Variants in SLC9A9 observed in about 807,000 individuals in gnomAD.
SLC9A9 encodes the protein solute carrier family 9 member A9.
Under a neutral mutation model 77.8 loss-of-function variants are expected in SLC9A9, and 62 were observed. That is an observed-to-expected ratio of 0.80 (90% CI 0.65 to 0.98). The LOEUF is 0.98. Ranked by LOEUF, SLC9A9 falls within the 50% of genes least tolerant of loss-of-function variation. The probability of loss-of-function intolerance (pLI) is 0.00; values close to 1 mark genes in which losing one functional copy is unlikely to be tolerated. For missense variants in SLC9A9, 775 were observed against 774.9 expected, an observed-to-expected ratio of 1.00 and a Z score of 0.00; for synonymous variants, 320 against 283.5, an observed-to-expected ratio of 1.13 and a Z score of -1.29.
intron 5 of SLC9A9, among the ~76,000 whole-genome samples, chr3:143,692,661 T>C (rs556553007): frequency 2.0e-5 from 3 of 152,160 alleles, no homozygotes; most frequent in Non-Finnish European, 4.4e-5. Flanking sequence ...AGAGAAGATA[T>C]ATTCACTGGA....
At chr3:143,754,434 T>C (rs1464487671) in intron 4 of SLC9A9, among the ~76,000 whole-genome samples, 1 of 152,218 alleles carries the variant, frequency 6.6e-6, no homozygotes, top group East Asian at 1.9e-4. Flanking sequence ...CCAAACACGA[T>C]TATTTTGCCA....
intron 12 of SLC9A9, among the ~76,000 whole-genome samples, chr3:143,390,359 T>C (rs1022584707): frequency 2.0e-5 from 3 of 152,242 alleles, no homozygotes; most frequent in Non-Finnish European, 4.4e-5. Context: ...TATCACTTAC[T>C]TGTGTGACTA....
intron 12 of SLC9A9, among the ~76,000 whole-genome samples, chr3:143,440,215 A>C (rs2108543830): frequency 6.6e-6 from 1 of 152,314 alleles, no homozygotes; most frequent in Admixed American, 6.5e-5. Flanking sequence ...GGGATTTTAC[A>C]AGTGCTGAAA....
In SLC9A9 at chr3:143,688,690, C is replaced by A. The variant is rs532091379; in HGVS notation, c.649+4502G>T. Among the ~76,000 whole-genome samples the A allele has an allele frequency of 2.0e-5, 3 of 152,110 alleles. No homozygotes were observed. The South Asian group carries it at 6.2e-4, about 32-fold the overall frequency. ...ACCCTGGGGATAGAGCAGTCTATCC[C>A]TGTATACCACTCTGGGGCTCTGATC... On this transcript the variant is annotated intron_variant, in intron 5 of 15. Coordinates refer to ENST00000316549, the MANE Select transcript of SLC9A9 (RefSeq NM_173653.4).
intron 9 of SLC9A9, among the ~76,000 whole-genome samples, chr3:143,543,464 G>T (rs1233241822): frequency 6.6e-6 from 1 of 151,932 alleles, no homozygotes; most frequent in African/African-American, 2.4e-5. Flanking sequence ...TGATGCTGAA[G>T]TTAGGGGTAC....
intron 6 of SLC9A9, among the ~76,000 whole-genome samples, chr3:143,579,994 G>A (rs1182308540): frequency 6.6e-6 from 1 of 152,180 alleles, no homozygotes; most frequent in Non-Finnish European, 1.5e-5. Flanking sequence ...TCCTGTAATT[G>A]GATAAGGAAG....
chr3:143,448,573 G>T (rs1407987420), intron 12 of SLC9A9, among the ~76,000 whole-genome samples: 1 of 151,956 alleles, frequency 6.6e-6, no homozygotes, highest in Non-Finnish European at 1.5e-5. Context: ...AAGGAAAGAA[G>T]AGATTACATT....
chr3:143,355,032 T>C (rs1474873214), intron 14 of SLC9A9, among the ~76,000 whole-genome samples: 2 of 152,214 alleles, frequency 1.3e-5, no homozygotes, highest in African/African-American at 2.4e-5. Flanking sequence ...ACTGAGATGA[T>C]GGACTATAAG....
chr3:143,705,747 G>A (rs1276862933), intron 4 of SLC9A9, among the ~76,000 whole-genome samples: 2 of 152,194 alleles, frequency 1.3e-5, no homozygotes, highest in African/African-American at 4.8e-5. Flanking sequence ...ACCAGCTGGG[G>A]AACATTGAAG....
At chr3:143,583,557 C>T (rs2037491711) in intron 6 of SLC9A9, among the ~76,000 whole-genome samples, 1 of 152,208 alleles carries the variant, frequency 6.6e-6, no homozygotes, top group Non-Finnish European at 1.5e-5. Flanking sequence ...TCTCAGCTTA[C>T]TGCCACTTAC....
At chr3:143,535,146 TAAAGAA>T (rs1200282659) in intron 9 of SLC9A9, among the ~76,000 whole-genome samples, 1 of 152,182 alleles carries the variant, frequency 6.6e-6, no homozygotes, top group Non-Finnish European at 1.5e-5. Context: ...AATCCTTGAC[TAAAGAA>T]AACATTCAGG....
chr3:143,731,058 A>T (rs1379585245), intron 4 of SLC9A9, among the ~76,000 whole-genome samples: 1 of 152,182 alleles, frequency 6.6e-6, no homozygotes, highest in Admixed American at 6.5e-5. Flanking sequence ...CAGAGACTAA[A>T]GGGCTATCTC....
At chr3:143,312,796 G>A (rs1017488624) in intron 14 of SLC9A9, among the ~76,000 whole-genome samples, 6 of 152,148 alleles carry the variant, frequency 3.9e-5, no homozygotes, top group African/African-American at 1.4e-4. Context: ...TCATCCCCAG[G>A]TTTTGTCTCT....
chr3:143,780,202 T>C (rs1168268026), intron 4 of SLC9A9, among the ~76,000 whole-genome samples: 1 of 152,128 alleles, frequency 6.6e-6, no homozygotes, highest in Non-Finnish European at 1.5e-5. Flanking sequence ...AAGAGCCCAG[T>C]GAAGGGATGC....
chr3:143,270,585 G>A (rs1559846641), intron 14 of SLC9A9, among the ~76,000 whole-genome samples: 1 of 151,880 alleles, frequency 6.6e-6, no homozygotes, highest in Non-Finnish European at 1.5e-5. Context: ...TACAACTGGA[G>A]TACAAATTAA....
At chr3:143,327,305 A>G (rs1033338993) in intron 14 of SLC9A9, among the ~76,000 whole-genome samples, 3 of 152,240 alleles carry the variant, frequency 2.0e-5, no homozygotes, top group African/African-American at 7.2e-5. Flanking sequence ...GAGGTGGAAC[A>G]GAGTTGGGGT....
rs77912380 is a variant in SLC9A9, at chr3:143,633,472, A to C, written c.755+18783T>G. The stretch of plus-strand genomic sequence containing the variant: ...TGTCTTAGAGGTTTTTTCAGGCCAT[A>C]AATTTTTTTAAAGCTCCAAAGTGTG... On this transcript the variant is annotated intron_variant, in intron 6 of 15. Transcript: ENST00000316549. 7.8e-3 allele frequency among the ~76,000 whole-genome samples: 1,189 copies of C among 152,280 alleles called. 18 individuals are homozygous for C. The highest frequency in any genetic ancestry group is 0.026 in the African/African-American group (1,082 of 41,572).
rs2033607195 is a variant in SLC9A9 at position 143,392,914 on chromosome 3, C to T, written c.1470-10800G>A. ...ACAAGAGCTAACTATCCTAAATATG[C>T]ACCCAATACAGGAACACCCAGATTC... On this transcript the variant is annotated intron_variant, in intron 12 of 15. Transcript: ENST00000316549. Among the ~76,000 whole-genome samples, 4 of 151,918 alleles carry T rather than the reference C, an allele frequency of 2.6e-5. No individual in the cohort carries two copies. In the South Asian group the frequency reaches 6.2e-4, roughly 24 times the overall value.
intron 12 of SLC9A9, among the ~76,000 whole-genome samples, chr3:143,464,961 C>A (rs1463526286): frequency 6.6e-6 from 1 of 152,158 alleles, no homozygotes; most frequent in African/African-American, 2.4e-5. Flanking sequence ...GGTTTCTGCC[C>A]TGATGTCAGA....
Sources: gnomAD v4.1 joint callset for allele counts (sites outside exome capture counted in the v4.1 genomes callset) on GRCh38, gnomAD v4.1.1 for gene constraint, MANE v1.5 for transcripts, NCBI Gene and HGNC (gene_info 2026-07-23, HGNC 2026-07-21) for gene names.